ZFHX4: variants seen among roughly 807,000 people sequenced by gnomAD.
ZFHX4 encodes zinc finger homeobox protein 4.
ZFHX4 carries 56 observed loss-of-function variants against 267.6 expected under a neutral mutation model. The observed-to-expected ratio is 0.21, with a 90% confidence interval of 0.17 to 0.26. The LOEUF is 0.26. Among genes scored for constraint, ZFHX4 ranks in the 10% least tolerant of loss-of-function variants. ZFHX4 has a pLI of 1.00. For missense variants in ZFHX4, 4,332 were observed against 4,420.0 expected, an observed-to-expected ratio of 0.98 and a Z score of 0.56; for synonymous variants, 1,778 against 1,665.6, an observed-to-expected ratio of 1.07 and a Z score of -1.64.
chr8:76,682,224 C>T (rs1807552826), intron 1 of ZFHX4, among the ~76,000 whole-genome samples: 1 of 152,216 alleles, frequency 6.6e-6, no homozygotes, highest in South Asian at 2.1e-4. Flanking sequence ...CTGCTCTTTC[C>T]CTGCTTTACC....
chr8:76,701,176 A>G (rs1401817828), intron 1 of ZFHX4, among the ~76,000 whole-genome samples: 1 of 152,162 alleles, frequency 6.6e-6, no homozygotes, highest in East Asian at 1.9e-4. Context: ...ACTGAAAAAC[A>G]TTGTCATGGT....
intron 4 of ZFHX4, among the ~76,000 whole-genome samples, chr8:76,822,769 T>C (rs894689180): frequency 3.3e-5 from 5 of 152,128 alleles, no homozygotes; most frequent in Admixed American, 6.6e-5. Flanking sequence ...GTATCTTTTG[T>C]CATCCTTCAG....
intron 1 of ZFHX4, among the ~76,000 whole-genome samples, chr8:76,701,191 G>T (rs1008103190): frequency 6.6e-6 from 1 of 151,966 alleles, no homozygotes; most frequent in Non-Finnish European, 1.5e-5. Context: ...CATGGTTGTA[G>T]CCAATAGCAA....
chr8:76,712,920 G>GA (rs1042341735), intron 3 of ZFHX4, among the ~76,000 whole-genome samples: 11 of 151,272 alleles, frequency 7.3e-5, no homozygotes, highest in South Asian at 2.1e-4. Flanking sequence ...GGCAGAGATT[G>GA]AAAAAAAACA....
intron 1 of ZFHX4, among the ~76,000 whole-genome samples, chr8:76,686,954 A>G (rs891645323): frequency 2.0e-5 from 3 of 152,170 alleles, no homozygotes; most frequent in African/African-American, 7.2e-5. Context: ...CCCTTCTAAG[A>G]CCACTCTAAG....
chr8:76,804,987 G>A (rs1409793588), intron 4 of ZFHX4, among the ~76,000 whole-genome samples: 1 of 152,026 alleles, frequency 6.6e-6, no homozygotes, highest in African/African-American at 2.4e-5. Context: ...GGAATCTCCT[G>A]AGCTTTGATG....
Position 76,855,401 on chromosome 8 carries a change from C to G in ZFHX4, c.8480C>G (p.Thr2827Arg). 1 of 1,613,722 alleles carries G rather than the reference C, an allele frequency of 6.2e-7. No homozygotes were observed. The highest frequency in any genetic ancestry group is 8.5e-7 in the Non-Finnish European group (1 of 1,179,842). Reference protein sequence around the residue: ...DEGNTEMESTTGSSGDVKPAL... With the variant: ...DEGNTEMESTRGSSGDVKPAL... Reference sequence around the variant, plus strand: ...GGAAACACTGAAATGGAAAGCACCACAGGAAGTTCCGGAGATGTGAAACCG... The same window carrying G: ...GGAAACACTGAAATGGAAAGCACCAGAGGAAGTTCCGGAGATGTGAAACCG... Residue 2827 changes from threonine to arginine, a missense_variant, in exon 10 of 11, where the codon ACA (threonine) becomes AGA (arginine). Transcript: ENST00000651372.
intron 4 of ZFHX4, among the ~76,000 whole-genome samples, chr8:76,791,378 A>C (rs970840453): frequency 6.6e-6 from 1 of 152,128 alleles, no homozygotes; most frequent in Non-Finnish European, 1.5e-5. Context: ...ATTGAAGTTC[A>C]GTTTGGGGAA....
chr8:76,704,576 C>T lies in ZFHX4; in HGVS notation c.488C>T (p.Thr163Ile), dbSNP rs1295085718. 6.2e-7 allele frequency: 1 copy of T among 1,613,936 alleles called. No individual in the cohort carries two copies. Among genetic ancestry groups the T allele is most frequent in the Admixed American group, 1.7e-5 (1 of 60,010 alleles). Residue 163 changes from threonine (T) to isoleucine (I), a missense_variant, in exon 2 of 11, where the codon ACA becomes ATA. Coordinates refer to ENST00000651372, the MANE Select transcript of ZFHX4 (RefSeq NM_024721.5). ...GGGGCAAATAGCAAACTCTTTTCTA[C>T]AGCGATGTTCCTGGACTCCCTGGCA... ...QTGANSKLFSTAMFLDSLASA... is the reference protein window; with the variant it reads ...QTGANSKLFSIAMFLDSLASA...
At chr8:76,798,290 G>A (rs1811034489) in intron 4 of ZFHX4, among the ~76,000 whole-genome samples, 1 of 152,014 alleles carries the variant, frequency 6.6e-6, no homozygotes, top group Non-Finnish European at 1.5e-5. Context: ...TTGCTAAAGG[G>A]AACCCATTAT....
At chr8:76,744,133 G>A (rs140157990) in intron 3 of ZFHX4, among the ~76,000 whole-genome samples, 2,019 of 152,110 alleles carry the variant, frequency 0.013, 44 homozygotes, top group African/African-American at 0.046. Flanking sequence ...ATCACCTGAG[G>A]TTAGGAGTTC....
At chr8:76,723,308 G>A (rs534696690) in intron 3 of ZFHX4, among the ~76,000 whole-genome samples, 3 of 152,072 alleles carry the variant, frequency 2.0e-5, no homozygotes, top group African/African-American at 7.2e-5. Context: ...TAGAAGATTA[G>A]CATTCACTTA....
intron 4 of ZFHX4, among the ~76,000 whole-genome samples, chr8:76,786,976 C>T (rs1810707591): frequency 6.6e-6 from 1 of 152,092 alleles, no homozygotes; most frequent in African/African-American, 2.4e-5. Flanking sequence ...ATTTATTTTG[C>T]CATAGGGGGG....
At chr8:76,710,427 A>T (rs1378422214) in intron 3 of ZFHX4, among the ~76,000 whole-genome samples, 4 of 152,230 alleles carry the variant, frequency 2.6e-5, no homozygotes, top group African/African-American at 7.2e-5. Flanking sequence ...TGTTGGCAAA[A>T]TAAAAGTGGT....
At chr8:76,713,755 G>C (rs529923593) in intron 3 of ZFHX4, among the ~76,000 whole-genome samples, 5 of 152,078 alleles carry the variant, frequency 3.3e-5, no homozygotes, top group Non-Finnish European at 7.4e-5. Context: ...CTTTTTCAGC[G>C]TGCATTTTTT....
chr8:76,857,638 C>T (rs1463395871), intron 10 of ZFHX4, among the ~76,000 whole-genome samples: 2 of 151,926 alleles, frequency 1.3e-5, no homozygotes, highest in Non-Finnish European at 2.9e-5. Context: ...TGGAACTATA[C>T]ATATAAAGAA....
Position 76,854,009 on chromosome 8 carries a change from A to G in ZFHX4, c.7088A>G (p.His2363Arg), listed in dbSNP as rs1563562784. The G allele has an allele frequency of 6.2e-7, 1 of 1,613,920 alleles. No individual in the cohort carries two copies. The highest frequency in any genetic ancestry group is 1.3e-5 in the African/African-American group (1 of 75,006). ...MDATDQVVYK[H>R]CTVSGQTDAA... ...GCCACTGATCAAGTGGTATACAAGC[A>G]TTGCACAGTGTCTGGCCAAACGGAT... The change falls in exon 10 of 11, where the codon CAT (histidine) becomes CGT (arginine). Residue 2363 changes from histidine (H) to arginine (R), a missense_variant. His to Arg is a conservative substitution (Grantham distance 29). Coordinates refer to ENST00000651372, the MANE Select transcript of ZFHX4 (RefSeq NM_024721.5).
chr8:76,811,244 C>T (rs1186962119), intron 4 of ZFHX4, among the ~76,000 whole-genome samples: 2 of 152,146 alleles, frequency 1.3e-5, no homozygotes, highest in African/African-American at 2.4e-5. Flanking sequence ...GTCCTTAGGG[C>T]CCCTGCTGGT....
At chr8:76,835,816 T>C (rs959824682) in intron 5 of ZFHX4, among the ~76,000 whole-genome samples, 16 of 152,198 alleles carry the variant, frequency 1.1e-4, no homozygotes, top group African/African-American at 3.9e-4. Flanking sequence ...TATTTCTTTA[T>C]TGCTTTGTAA....
Sources: allele counts gnomAD v4.1 joint callset (sites outside exome capture counted in the v4.1 genomes callset), GRCh38; gene constraint gnomAD v4.1.1; transcripts MANE v1.5; gene names NCBI Gene and HGNC (gene_info 2026-07-23, HGNC 2026-07-21).